Variants in ANKRD11 observed in about 807,000 individuals in gnomAD.
ANKRD11 encodes ankyrin repeat domain-containing protein 11.
A neutral mutation model predicts 195.7 loss-of-function variants in ANKRD11; 17 were observed. The observed-to-expected ratio is 0.09, with a 90% confidence interval of 0.06 to 0.13. ANKRD11 has a LOEUF of 0.13. Ranked by LOEUF, ANKRD11 falls within the 10% of genes least tolerant of loss-of-function variation. ANKRD11 has a pLI of 1.00. For missense variants in ANKRD11, 3,735 were observed against 3,566.1 expected, an observed-to-expected ratio of 1.05 and a Z score of -1.21; for synonymous variants, 1,953 against 1,528.1, an observed-to-expected ratio of 1.28 and a Z score of -6.49.
At chr16:89,449,884 TAGAC>T (rs2043988877) in intron 1 of ANKRD11, among the ~76,000 whole-genome samples, 1 of 144,684 alleles carries the variant, frequency 6.9e-6, no homozygotes, top group Non-Finnish European at 1.5e-5. Flanking sequence ...ATCAAAGTCA[TAGAC>T]AGGCAGAGCC....
At chr16:89,307,199 C>G (rs1024699818) in intron 3 of ANKRD11, among the ~76,000 whole-genome samples, 8 of 152,202 alleles carry the variant, frequency 5.3e-5, no homozygotes, top group Non-Finnish European at 1.0e-4. Context: ...GTCAGCGAAG[C>G]CTTCAGAGCA....
chr16:89,374,198 A>G (rs2040318504), intron 2 of ANKRD11, among the ~76,000 whole-genome samples: 1 of 152,244 alleles, frequency 6.6e-6, no homozygotes, highest in South Asian at 2.1e-4. Flanking sequence ...AAAAACATTA[A>G]TATCAGACTT....
intron 1 of ANKRD11, among the ~76,000 whole-genome samples, chr16:89,442,534 C>G (rs919102895): frequency 6.6e-6 from 1 of 152,152 alleles, no homozygotes; most frequent in Non-Finnish European, 1.5e-5. Flanking sequence ...CTCTCAATAC[C>G]CCTAGATTTT....
At chr16:89,404,806 A>T (rs913647913) in intron 2 of ANKRD11, among the ~76,000 whole-genome samples, 1 of 152,242 alleles carries the variant, frequency 6.6e-6, no homozygotes, top group Admixed American at 6.5e-5. Flanking sequence ...TGAAGGCATC[A>T]TGGATCCAAA....
chr16:89,475,247 A>G (rs2057218070), intron 1 of ANKRD11, among the ~76,000 whole-genome samples: 1 of 152,230 alleles, frequency 6.6e-6, no homozygotes, highest in Non-Finnish European at 1.5e-5. Flanking sequence ...ACAGCATTTA[A>G]GCTGGAGGGA....
chr16:89,332,364 T>A (rs2038111687), intron 2 of ANKRD11, among the ~76,000 whole-genome samples: 7 of 152,174 alleles, frequency 4.6e-5, no homozygotes, highest in Admixed American at 4.6e-4. Flanking sequence ...GGCTGTACCT[T>A]TTCAGAAAGA....
At position 89,357,272 on chromosome 16, in the gene ANKRD11, A is replaced by C. The variant is rs1293802456; in HGVS notation, c.-59-40194T>G. On this transcript the variant is annotated intron_variant, in intron 2 of 12. Coordinates refer to ENST00000301030, the MANE Select transcript of ANKRD11 (RefSeq NM_013275.6). ...CTCATCTGTCAAATCTGCTGATAAA[A>C]GTCACACCATGAAGGAAGGGCAGTC... 2.0e-5 allele frequency among the ~76,000 whole-genome samples: 3 copies of C among 152,182 alleles called. No homozygotes were observed. In the East Asian group the frequency reaches 5.8e-4, roughly 29 times the overall value.
intron 2 of ANKRD11, among the ~76,000 whole-genome samples, chr16:89,396,773 G>A (rs1457559358): frequency 2.0e-5 from 3 of 152,244 alleles, no homozygotes; most frequent in South Asian, 2.1e-4. Context: ...TGCAACCTCC[G>A]CCTCCCAGGT....
chr16:89,278,875 G>A lies in ANKRD11; in HGVS notation c.7470+197C>T, dbSNP rs1276417748. The A allele has an allele frequency of 4.8e-5, 43 of 896,798 alleles. No homozygotes were observed. In the East Asian group the frequency reaches 8.8e-4, roughly 18 times the overall value. The allele number at this position is 896,798 out of a possible 1,614,324, so 55.6% of individuals were successfully genotyped here. On this transcript the variant is annotated intron_variant, in intron 9 of 12. Transcript: ENST00000301030. ...ACGGACCAGCTGGAGGAAGGACCTCGGGTCTGCAGAACAGCTGGGCAGCTT... is the reference window on the plus strand; with the variant it reads ...ACGGACCAGCTGGAGGAAGGACCTCAGGTCTGCAGAACAGCTGGGCAGCTT...
intron 2 of ANKRD11, among the ~76,000 whole-genome samples, chr16:89,385,980 A>C (rs1460009510): frequency 6.6e-6 from 1 of 152,222 alleles, no homozygotes; most frequent in Non-Finnish European, 1.5e-5. Context: ...TCCCTGGCTC[A>C]AGCCGGCCTC....
rs1275855838 is a variant in ANKRD11, at chr16:89,347,603, T to A, written c.-59-30525A>T. On this transcript the variant is annotated intron_variant, in intron 2 of 12. Transcript: ENST00000301030. ...TCCAGCCTGGGCGACAGAGCGAGAC[T>A]CCGTAAAAAAAAAAAAAAAAAGGTT... Among the ~76,000 whole-genome samples, 10 of 107,074 alleles carry A rather than the reference T, an allele frequency of 9.3e-5. No individual in the cohort carries two copies. In the East Asian group the frequency reaches 2.1e-3, roughly 22 times the overall value. 70.2% of individuals were successfully genotyped at this position (107,074 alleles called of 152,430 possible).
intron 1 of ANKRD11, among the ~76,000 whole-genome samples, chr16:89,439,841 G>GT (rs1239794726): frequency 2.6e-5 from 4 of 152,210 alleles, no homozygotes; most frequent in Admixed American, 2.6e-4. Flanking sequence ...AGAGCCAGCT[G>GT]TAAGCTCAAC....
chr16:89,462,323 G>A (rs553716966), intron 1 of ANKRD11, among the ~76,000 whole-genome samples: 149 of 152,314 alleles, frequency 9.8e-4, no homozygotes, highest in African/African-American at 3.5e-3. Flanking sequence ...CGCCAGCCTC[G>A]GCCTCCCGAG....
In ANKRD11 at chr16:89,286,098, G is replaced by A. The variant is rs751642003; in HGVS notation, c.833C>T (p.Thr278Met). Residue 278 changes from threonine (T) to methionine (M), a missense_variant, in exon 8 of 13, where the codon ACG (threonine) becomes ATG (methionine). Thr to Met is a moderately conservative substitution (Grantham distance 81). Transcript: ENST00000301030. Reference protein sequence around the residue: ...ETPLKVANSPTMVNLLLGKGT... With the variant: ...ETPLKVANSPMMVNLLLGKGT... ...TTTGCCTAACAGGAGGTTCACCATCGTGGGGGAGTTGGCCACTTTCAGCGG... is the reference window on the plus strand; with the variant it reads ...TTTGCCTAACAGGAGGTTCACCATCATGGGGGAGTTGGCCACTTTCAGCGG... 17 of 1,614,118 alleles carry A rather than the reference G, an allele frequency of 1.1e-5. No individual in the cohort carries two copies. Among genetic ancestry groups the A allele is most frequent in the South Asian group, 2.2e-5 (2 of 91,094 alleles).
chr16:89,403,849 T>C (rs1181373350), intron 2 of ANKRD11: 2 of 152,142 alleles, frequency 1.3e-5, no homozygotes, highest in African/African-American at 4.8e-5. Flanking sequence ...AGGGGCATCA[T>C]TTCAGTCCAA....
intron 2 of ANKRD11, among the ~76,000 whole-genome samples, chr16:89,317,659 A>G (rs905723546): frequency 2.0e-5 from 3 of 151,842 alleles, no homozygotes; most frequent in Admixed American, 2.0e-4. Flanking sequence ...CGAGGTCCCA[A>G]CTCCACGCCC....
intron 2 of ANKRD11, among the ~76,000 whole-genome samples, chr16:89,345,528 T>A (rs2038899814): frequency 6.6e-6 from 1 of 152,166 alleles, no homozygotes; most frequent in Non-Finnish European, 1.5e-5. Context: ...CTCTCCAACT[T>A]CCAGCTTCCA....
At position 89,283,648 on chromosome 16, in the gene ANKRD11, C is replaced by G; in HGVS notation, c.2894G>C (p.Arg965Thr). 6.2e-7 allele frequency: 1 copy of G among 1,611,298 alleles called. No individual in the cohort carries two copies. Among genetic ancestry groups the G allele is most frequent in the Non-Finnish European group, 8.5e-7 (1 of 1,179,892 alleles). ...CCGGTGCGCCTCCTCGGGCTTGGCC[C>G]TGCCGTCCCTGCGCTCCTTGCAGCT... ...LESCKERRDGRAKPEEAHREE... is the reference protein window; with the variant it reads ...LESCKERRDGTAKPEEAHREE... Residue 965 changes from arginine (R) to threonine (T), a missense_variant, in exon 9 of 13, where the codon AGG (arginine) becomes ACG (threonine). Physicochemically the swap from Arg to Thr is moderately conservative, Grantham distance 71. Transcript: ENST00000301030. This position sits in a 1 kb window ranked among gnomAD's most constrained non-coding sequence, Gnocchi z 4.3.
chr16:89,374,437 T>C (rs1032881442), intron 2 of ANKRD11, among the ~76,000 whole-genome samples: 3 of 152,160 alleles, frequency 2.0e-5, no homozygotes, highest in African/African-American at 7.2e-5. Flanking sequence ...CAACAGGAAC[T>C]GTACATCCAG....
Sources: gnomAD v4.1 joint callset for allele counts (sites outside exome capture counted in the v4.1 genomes callset) on GRCh38, gnomAD v4.1.1 for gene constraint, Gnocchi (gnomAD v3.1) non-coding constraint, MANE v1.5 for transcripts, NCBI Gene and HGNC (gene_info 2026-07-23, HGNC 2026-07-21) for gene names.